Variants in C13orf46 observed in about 807,000 individuals in gnomAD.
C13orf46 encodes the protein chromosome 13 open reading frame 46.
At chr13:113,951,699 G>A (rs2052489291), downstream of C13orf46, among the ~76,000 whole-genome samples, 1 of 152,222 alleles carries the variant, frequency 6.6e-6, no homozygotes. Flanking sequence ...AGGCCCCACT[G>A]TAGTCACTCA....
At chr13:113,965,743 A>ATGGTGATGG (rs2052631263) in intron 5 of C13orf46, among the ~76,000 whole-genome samples, 1 of 69,930 alleles carries the variant, frequency 1.4e-5, no homozygotes, top group African/African-American at 1.2e-4. Context: ...GAAGGTGATG[A>ATGGTGATGG]TGGTGATGAT....
the C13orf46 span, among the ~76,000 whole-genome samples, chr13:113,935,903 A>G: frequency 2.0e-4 from 30 of 152,370 alleles, no homozygotes; most frequent in Admixed American, 1.2e-3. Context: ...AATCGTGATC[A>G]CAGACAATCC....
chr13:113,939,308 C>G, the C13orf46 span, among the ~76,000 whole-genome samples: 25 of 152,166 alleles, frequency 1.6e-4, no homozygotes, highest in African/African-American at 6.0e-4. Context: ...ATGCAGGCAA[C>G]CCAGAGCCAG....
the C13orf46 span, among the ~76,000 whole-genome samples, chr13:113,938,423 C>T: frequency 0.018 from 2,771 of 152,326 alleles, 41 homozygotes; most frequent in Non-Finnish European, 0.029. Flanking sequence ...CCTCCAGAGA[C>T]GGCAGCAGCC....
the C13orf46 span, among the ~76,000 whole-genome samples, chr13:113,940,060 G>A: frequency 7.2e-5 from 11 of 152,196 alleles, no homozygotes; most frequent in Non-Finnish European, 1.5e-4. Context: ...GGCCACCTCA[G>A]AGGCCCCAAG....
At chr13:113,962,878 G>A (rs1258427306) in intron 6 of C13orf46, among the ~76,000 whole-genome samples, 1 of 152,170 alleles carries the variant, frequency 6.6e-6, no homozygotes, top group African/African-American at 2.4e-5. Context: ...CCAGACTCAG[G>A]AGTCAAAACA....
At chr13:113,951,608 C>T (rs1157905089), downstream of C13orf46, among the ~76,000 whole-genome samples, 3 of 150,900 alleles carry the variant, frequency 2.0e-5, no homozygotes, top group Non-Finnish European at 2.9e-5. Flanking sequence ...TCGCTCCCCG[C>T]CCCCCATGCC....
Position 113,955,984 on chromosome 13 carries a change from A to T in C13orf46, c.*789T>A, listed in dbSNP as rs2052527724. 6.3e-6 allele frequency: 1 copy of T among 157,488 alleles called. No individual in the cohort carries two copies. The highest frequency in any genetic ancestry group is 2.5e-5 in the African/African-American group (1 of 39,934). The allele number at this position is 157,488 out of a possible 1,614,324, so 9.8% of individuals were successfully genotyped here. On this transcript the variant is annotated 3_prime_UTR_variant, in exon 7 of 7. Transcript: ENST00000636427. ...GGAGCATCTGGCGGAGACGAGGAGT[A>T]GGATCTGGCAGAGAGGAGGAGTAGG...
downstream of C13orf46, among the ~76,000 whole-genome samples, chr13:113,952,333 G>A (rs2052492466): frequency 1.7e-5 from 2 of 117,858 alleles, no homozygotes; most frequent in Non-Finnish European, 4.3e-5. Flanking sequence ...GCCCAGGGCC[G>A]CTGTGTGGCC....
chr13:113,952,557 G>A (rs2052493553), downstream of C13orf46, among the ~76,000 whole-genome samples: 7 of 152,344 alleles, frequency 4.6e-5, 1 homozygote, highest in South Asian at 2.1e-4. Flanking sequence ...AGGGGCCAGT[G>A]GGGACTGAGG....
chr13:113,963,606 G>A lies in C13orf46; in HGVS notation c.572+1321C>T, dbSNP rs893285390. ...TCAGCCTCGGCCCCTGTCCTCAGCCGCAGTCCTTGTCCTCAGCCACAGCCC... is the reference window on the plus strand; with the variant it reads ...TCAGCCTCGGCCCCTGTCCTCAGCCACAGTCCTTGTCCTCAGCCACAGCCC... On this transcript the variant is annotated intron_variant, in intron 6 of 6. Transcript: ENST00000636427. 9.3e-5 allele frequency among the ~76,000 whole-genome samples: 11 copies of A among 118,222 alleles called. No individual in the cohort carries two copies. The South Asian group carries it at 2.7e-3, about 29-fold the overall frequency. The allele number at this position is 118,222 out of a possible 152,430, so 77.6% of individuals were successfully genotyped here.
rs1277569938 is a variant in C13orf46 at position 113,954,911 on chromosome 13, CGAGGAG to C, written c.*1856_*1861del. 2 of 151,560 alleles carry C rather than the reference CGAGGAG, an allele frequency of 1.3e-5. No homozygotes were observed. The highest frequency in any genetic ancestry group is 2.7e-5 in the Non-Finnish European group (2 of 74,678). The allele number at this position is 151,560 out of a possible 1,614,324, so 9.4% of individuals were successfully genotyped here. A position where few individuals can be genotyped will look rare whatever the true frequency, so the allele number is the denominator to read the frequency against. On this transcript the variant is annotated 3_prime_UTR_variant, in exon 7 of 7. Coordinates refer to ENST00000636427, the MANE Select transcript of C13orf46 (RefSeq NM_001365455.2). ...AGAGACGAGGAGCATCTGGCGGAGA[CGAGGAG>C]GAGCATCTGGCGGAGACGAGGAGGA... is the stretch of plus-strand genomic sequence containing the variant.
At position 113,956,618 on chromosome 13, in the gene C13orf46, G is replaced by A. The variant is rs1327762395; in HGVS notation, c.*155C>T. ...CTTCCAGGCCTGGCCAGTCCCACAA[G>A]AAGAAAACAGAAACCTCAGTGCCTG... On this transcript the variant is annotated 3_prime_UTR_variant, in exon 7 of 7. Transcript: ENST00000636427. 2 of 152,330 alleles carry A rather than the reference G, an allele frequency of 1.3e-5. No individual in the cohort carries two copies. Among genetic ancestry groups the A allele is most frequent in the Admixed American group, 6.5e-5 (1 of 15,286 alleles). 9.4% of individuals were successfully genotyped at this position (152,330 alleles called of 1,614,324 possible). A position where few individuals can be genotyped will look rare whatever the true frequency, so the allele number is the denominator to read the frequency against.
chr13:113,966,380 ATGATGG>A (rs1244653581), intron 5 of C13orf46, among the ~76,000 whole-genome samples: 148 of 149,440 alleles, frequency 9.9e-4, no homozygotes, highest in African/African-American at 3.6e-3. Context: ...GGTGATGATG[ATGATGG>A]TGATGGTATT....
chr13:113,928,686 G>C, the C13orf46 span: 2 of 152,478 alleles, frequency 1.3e-5, no homozygotes, highest in African/African-American at 4.8e-5. Flanking sequence ...CACAGGTGCT[G>C]ACATGGAGAA....
At chr13:113,966,082 T>C (rs1477669265) in intron 5 of C13orf46, among the ~76,000 whole-genome samples, 1 of 143,462 alleles carries the variant, frequency 7.0e-6, no homozygotes, top group Non-Finnish European at 1.5e-5. Context: ...GGTGATGTGA[T>C]GATGGTATTA....
intron 6 of C13orf46, among the ~76,000 whole-genome samples, chr13:113,960,362 G>T (rs1033861406): frequency 1.1e-4 from 17 of 152,168 alleles, no homozygotes; most frequent in Non-Finnish European, 1.5e-5. Context: ...TGCTCTTAAT[G>T]AAATTGCAAG....
rs2052522929 is a variant in C13orf46 at position 113,955,668 on chromosome 13, TAGTGTCTGGCAGAGA to T, written c.*1090_*1104del. 1.1e-5 allele frequency: 1 copy of T among 92,866 alleles called. No homozygotes were observed. The highest frequency in any genetic ancestry group is 4.5e-5 in the African/African-American group (1 of 22,328). 5.8% of individuals were successfully genotyped at this position (92,866 alleles called of 1,614,324 possible). On this transcript the variant is annotated 3_prime_UTR_variant, in exon 7 of 7. Coordinates refer to ENST00000636427, the MANE Select transcript of C13orf46 (RefSeq NM_001365455.2). The stretch of plus-strand genomic sequence containing the variant: ...AGTAGTGTCTGGCAGAGACAAGGAG[TAGTGTCTGGCAGAGA>T]CGAGGAGTAGTGTCTGGCGGAGAGG...
chr13:113,945,790 G>A, the C13orf46 span, among the ~76,000 whole-genome samples: 4 of 152,282 alleles, frequency 2.6e-5, no homozygotes, highest in East Asian at 1.9e-4. Context: ...GCGTCGAATC[G>A]TCAGTCTGTT....
Sources: gnomAD v4.1 joint callset for allele counts (sites outside exome capture counted in the v4.1 genomes callset) on GRCh38, gnomAD v4.1.1 for gene constraint, MANE v1.5 for transcripts, NCBI Gene and HGNC (gene_info 2026-07-23, HGNC 2026-07-21) for gene names.